RDH14: variants seen among roughly 807,000 people sequenced by gnomAD.
RDH14 encodes retinol dehydrogenase 14.
Under a neutral mutation model 19.3 loss-of-function variants are expected in RDH14, and 17 were observed. That is an observed-to-expected ratio of 0.88 (90% confidence interval 0.60 to 1.32). The LOEUF is 1.32. Among genes scored for constraint, RDH14 ranks in the 40% most tolerant of loss-of-function variants. RDH14 has a pLI of 0.00. For synonymous variants in RDH14, 215 were observed against 188.9 expected, an observed-to-expected ratio of 1.14 and a Z score of -1.13; for missense variants, 534 against 449.2, an observed-to-expected ratio of 1.19 and a Z score of -1.71.
intron 1 of RDH14, among the ~76,000 whole-genome samples, chr2:18,559,493 A>C (rs1309428284): frequency 2.0e-5 from 3 of 152,200 alleles, no homozygotes; most frequent in African/African-American, 7.2e-5. Flanking sequence ...AGGCAAGGAC[A>C]CTTCATTTTC....
intron 1 of RDH14, among the ~76,000 whole-genome samples, chr2:18,556,559 C>A (rs1256897926): frequency 6.6e-6 from 1 of 152,180 alleles, no homozygotes; most frequent in Non-Finnish European, 1.5e-5. Context: ...CTAATTCCAA[C>A]AACTGTATAA....
intron 1 of RDH14, among the ~76,000 whole-genome samples, chr2:18,559,781 C>T (rs993628807): frequency 6.6e-6 from 1 of 152,102 alleles, no homozygotes. Flanking sequence ...CTAGCAACTT[C>T]CCCCAGTGCT....
Position 18,560,422 on chromosome 2 carries a change from C to A in RDH14, c.151G>T (p.Ala51Ser). The A allele has an allele frequency of 6.6e-7, 1 of 1,504,326 alleles. No homozygotes were observed. The highest frequency in any genetic ancestry group is 1.2e-5 in the South Asian group (1 of 80,986). The allele number at this position is 1,504,326 out of a possible 1,614,324, so 93.2% of individuals were successfully genotyped here. The change falls in exon 1 of 2, where the codon GCG becomes TCG. Residue 51 changes from alanine (A) to serine (S), a missense_variant. Ala to Ser is a moderately conservative substitution (Grantham distance 99). Coordinates refer to ENST00000381249, the MANE Select transcript of RDH14 (RefSeq NM_020905.4). ...GTGGCGCGGCCCAGGCCGCTGTTCGCCCCGGTGATCAGCACAGTCTTCCCG... is the reference window on the plus strand; with the variant it reads ...GTGGCGCGGCCCAGGCCGCTGTTCGACCCGGTGATCAGCACAGTCTTCCCG... ...MHGKTVLITG[A>S]NSGLGRATAA... is the part of the protein sequence containing the mutation.
rs936673750 is a variant in RDH14, at chr2:18,560,476, G to A, written c.97C>T (p.Arg33Cys). ...ATGAGGCCGGGGTCCCCGCCTCTGCGCAGCCGCTGGACCCTGGGCCCCACG... is the reference window on the plus strand; with the variant it reads ...ATGAGGCCGGGGTCCCCGCCTCTGCACAGCCGCTGGACCCTGGGCCCCACG... Reference protein sequence around the residue: ...RFVGPRVQRLRRGGDPGLMHG... With the variant: ...RFVGPRVQRLCRGGDPGLMHG... Residue 33 changes from arginine to cysteine, a missense_variant, in exon 1 of 2, where the codon CGC (arginine) becomes TGC (cysteine). Physicochemically the swap from Arg to Cys is radical, Grantham distance 180. Coordinates refer to ENST00000381249, the MANE Select transcript of RDH14 (RefSeq NM_020905.4). 7 of 1,513,178 alleles carry A rather than the reference G, an allele frequency of 4.6e-6. No individual in the cohort carries two copies. Among genetic ancestry groups the A allele is most frequent in the Non-Finnish European group, 4.4e-6 (5 of 1,138,974 alleles). The allele number at this position is 1,513,178 out of a possible 1,614,324, so 93.7% of individuals were successfully genotyped here. A position where few individuals can be genotyped will look rare whatever the true frequency, so the allele number is the denominator to read the frequency against.
rs1354793628 is a variant in RDH14, at chr2:18,560,616, A to C, written c.-44T>G. On this transcript the variant is annotated 5_prime_UTR_variant, in exon 1 of 2. Coordinates refer to ENST00000381249, the MANE Select transcript of RDH14 (RefSeq NM_020905.4). ...ACCGGCCCCTCCACGGGAGTTCCGC[A>C]GCCGCCGCCTTACCGGAACCCAAGA... 1.4e-6 allele frequency: 2 copies of C among 1,385,774 alleles called. No individual in the cohort carries two copies. Among genetic ancestry groups the C allele is most frequent in the Non-Finnish European group, 1.9e-6 (2 of 1,079,902 alleles). 85.8% of individuals were successfully genotyped at this position (1,385,774 alleles called of 1,614,324 possible). A position where few individuals can be genotyped will look rare whatever the true frequency, so the allele number is the denominator to read the frequency against.
In RDH14 at chr2:18,555,673, CAAG is replaced by C; in HGVS notation, c.526_528del (p.Leu176del). 1 of 1,613,964 alleles carries C rather than the reference CAAG, an allele frequency of 6.2e-7. No individual in the cohort carries two copies. The highest frequency in any genetic ancestry group is 8.5e-7 in the Non-Finnish European group (1 of 1,179,950). On this transcript the variant is annotated inframe_deletion, in exon 2 of 2. Transcript: ENST00000381249. ...CTGGGAGCTGAACTTTTGAGGAGTCCAAGGAGAAGATTGGTGAGTAGAAAGTGC... is the reference window on the plus strand; with the variant it reads ...CTGGGAGCTGAACTTTTGAGGAGTCCGAGAAGATTGGTGAGTAGAAAGTGC...
Position 18,555,069 on chromosome 2 carries a change from T to A in RDH14, c.*122A>T. The A allele has an allele frequency of 6.9e-7, 1 of 1,455,638 alleles. No homozygotes were observed. The highest frequency in any genetic ancestry group is 9.2e-7 in the Non-Finnish European group (1 of 1,090,756). The allele number at this position is 1,455,638 out of a possible 1,614,324, so 90.2% of individuals were successfully genotyped here. A position where few individuals can be genotyped will look rare whatever the true frequency, so the allele number is the denominator to read the frequency against. The stretch of plus-strand genomic sequence containing the variant: ...CTCCAAAATACCCACATGTACCTCT[T>A]AGCAGGCTATTCCAATATCAAAATT... On this transcript the variant is annotated 3_prime_UTR_variant, in exon 2 of 2. Coordinates refer to ENST00000381249, the MANE Select transcript of RDH14 (RefSeq NM_020905.4).
intron 1 of RDH14, among the ~76,000 whole-genome samples, chr2:18,556,978 A>G (rs778979725): frequency 6.6e-6 from 1 of 152,220 alleles, no homozygotes; most frequent in Admixed American, 6.5e-5. Flanking sequence ...GAGATTCATA[A>G]AGAATAATCA....
chr2:18,555,479 G>T lies in RDH14; in HGVS notation c.723C>A (p.Thr241=). ...CAATACCAGGATGCAACACATTGACGGTGACATTTGTGCCTTCTAAGCGGC... is the reference window on the plus strand; with the variant it reads ...CAATACCAGGATGCAACACATTGACTGTGACATTTGTGCCTTCTAAGCGGC... ...LARRLEGTNV[T]VNVLHPGIVR... The change falls in exon 2 of 2, where the codon ACC becomes ACA. Residue 241 remains threonine (T), a synonymous_variant. Coordinates refer to ENST00000381249, the MANE Select transcript of RDH14 (RefSeq NM_020905.4). The T allele has an allele frequency of 6.2e-7, 1 of 1,614,112 alleles. No individual in the cohort carries two copies. Among genetic ancestry groups the T allele is most frequent in the South Asian group, 1.1e-5 (1 of 91,084 alleles).
In RDH14 at chr2:18,557,645, AT is replaced by A. The variant is rs774928556; in HGVS notation, c.394-1838del. 2.0e-4 allele frequency among the ~76,000 whole-genome samples: 31 copies of A among 151,302 alleles called. No homozygotes were observed. The East Asian group carries it at 3.3e-3, about 16-fold the overall frequency. ...CAACCTGTGGGAAATCTACATTTCC[AT>A]TTTTTTTTCCTTCTAATTATAGTCA... On this transcript the variant is annotated intron_variant, in intron 1 of 1. Transcript: ENST00000381249.
Position 18,555,483 on chromosome 2 carries a change from A to G in RDH14, c.719T>C (p.Val240Ala), listed in dbSNP as rs1208884252. Residue 240 changes from valine to alanine, a missense_variant, in exon 2 of 2, where the codon GTC (valine) becomes GCC (alanine). Coordinates refer to ENST00000381249, the MANE Select transcript of RDH14 (RefSeq NM_020905.4). ...ACCAGGATGCAACACATTGACGGTG[A>G]CATTTGTGCCTTCTAAGCGGCGGGC... Reference protein sequence around the residue: ...ELARRLEGTNVTVNVLHPGIV... With the variant: ...ELARRLEGTNATVNVLHPGIV... 2.5e-6 allele frequency: 4 copies of G among 1,614,060 alleles called. No individual in the cohort carries two copies. The South Asian group carries it at 4.4e-5, about 18-fold the overall frequency.
chr2:18,555,952 A>G (rs1004794360), intron 1 of RDH14, 144 bp from the exon 2 acceptor site: 1 of 1,380,518 alleles, frequency 7.2e-7, no homozygotes, highest in Non-Finnish European at 9.6e-7. Context: ...TATCGATCAG[A>G]GAACTACTTG....
Position 18,555,652 on chromosome 2 carries a change from GA to G in RDH14, c.549del (p.Ser185AlafsTer5). On this transcript the variant is annotated frameshift_variant, in exon 2 of 2. Transcript: ENST00000381249. LOFTEE classifies it high-confidence loss of function. ...NLLLGLLKSSAPSRIVVVSSK... is the reference protein window; with the variant it reads ...NLLLGLLKSSXPSRIVVVSSK... ...GAAGAAACTACCACAATCCTGCTGGGAGCTGAACTTTTGAGGAGTCCAAGGA... is the reference window on the plus strand; with the variant it reads ...GAAGAAACTACCACAATCCTGCTGGGGCTGAACTTTTGAGGAGTCCAAGGA... The G allele has an allele frequency of 1.2e-6, 2 of 1,614,080 alleles. No homozygotes were observed. Among genetic ancestry groups the G allele is most frequent in the Non-Finnish European group, 1.7e-6 (2 of 1,179,974 alleles).
At position 18,555,655 on chromosome 2, in the gene RDH14, C is replaced by T. The variant is rs771777288; in HGVS notation, c.547G>A (p.Ala183Thr). 6.2e-7 allele frequency: 1 copy of T among 1,614,074 alleles called. No individual in the cohort carries two copies. Among genetic ancestry groups the T allele is most frequent in the Admixed American group, 1.7e-5 (1 of 60,008 alleles). ...GAAACTACCACAATCCTGCTGGGAG[C>T]TGAACTTTTGAGGAGTCCAAGGAGA... ...NLLLGLLKSS[A>T]PSRIVVVSSK... Residue 183 changes from alanine (A) to threonine (T), a missense_variant, in exon 2 of 2, where the codon GCT (alanine) becomes ACT (threonine). Coordinates refer to ENST00000381249, the MANE Select transcript of RDH14 (RefSeq NM_020905.4).
chr2:18,555,481 T>C lies in RDH14; in HGVS notation c.721A>G (p.Thr241Ala). The C allele has an allele frequency of 1.2e-6, 2 of 1,614,186 alleles. No homozygotes were observed. Among genetic ancestry groups the C allele is most frequent in the Non-Finnish European group, 1.7e-6 (2 of 1,180,012 alleles). The change falls in exon 2 of 2, where the codon ACC (threonine) becomes GCC (alanine). Residue 241 changes from threonine (T) to alanine (A), a missense_variant. By Grantham distance (58) the Thr-to-Ala change is moderately conservative (BLOSUM62 0). Coordinates refer to ENST00000381249, the MANE Select transcript of RDH14 (RefSeq NM_020905.4). ...LARRLEGTNV[T>A]VNVLHPGIVR... ...ATACCAGGATGCAACACATTGACGG[T>C]GACATTTGTGCCTTCTAAGCGGCGG...
chr2:18,560,560 T>G lies in RDH14; in HGVS notation c.13A>C (p.Thr5Pro). ...AGAGCGGCCAGTACTGCCGCCGCAG[T>G]GGCCACTGCCATCGTCAGGCCCGAG... is the stretch of plus-strand genomic sequence containing the variant. MAVA[T>P]AAAVLAALGG... The change falls in exon 1 of 2, where the codon ACT becomes CCT. Residue 5 changes from threonine (T) to proline (P), a missense_variant. Physicochemically the swap from Thr to Pro is conservative, Grantham distance 38 (BLOSUM62 -1). Transcript: ENST00000381249. The G allele has an allele frequency of 2.0e-6, 3 of 1,489,550 alleles. No homozygotes were observed. The highest frequency in any genetic ancestry group is 2.7e-6 in the Non-Finnish European group (3 of 1,128,856). 92.3% of individuals were successfully genotyped at this position (1,489,550 alleles called of 1,614,324 possible).
At chr2:18,555,842 TAAG>T in intron 1 of RDH14, 34 bp from the exon 2 acceptor site, 1 of 1,566,052 alleles carries the variant, frequency 6.4e-7, no homozygotes, top group South Asian at 1.2e-5. Context: ...GCAGAATTAT[TAAG>T]AACACACGCC....
chr2:18,560,312 G>C lies in RDH14; in HGVS notation c.261C>G (p.Leu87=), dbSNP rs546106327. The part of the protein sequence containing the change: ...RARAEEAAGQ[L]RRELRQAAEC... ...CCGCGGCCTGGCGGAGCTCGCGGCG[G>C]AGCTGACCCGCCGCCTCCTCGGCGC... The change falls in exon 1 of 2, where the codon CTC becomes CTG. Residue 87 remains leucine (L), a synonymous_variant. Coordinates refer to ENST00000381249, the MANE Select transcript of RDH14 (RefSeq NM_020905.4). The C allele has an allele frequency of 2.1e-6, 3 of 1,436,758 alleles. No individual in the cohort carries two copies. In the African/African-American group the frequency reaches 4.5e-5, roughly 22 times the overall value. The allele number at this position is 1,436,758 out of a possible 1,614,324, so 89.0% of individuals were successfully genotyped here. A position where few individuals can be genotyped will look rare whatever the true frequency, so the allele number is the denominator to read the frequency against.
Sources: gnomAD v4.1 joint callset for allele counts (sites outside exome capture counted in the v4.1 genomes callset) on GRCh38, gnomAD v4.1.1 for gene constraint, MANE v1.5 for transcripts, NCBI Gene and HGNC (gene_info 2026-07-23, HGNC 2026-07-21) for gene names.